Variants in KDM2B observed in about 807,000 individuals in gnomAD.
KDM2B encodes the protein lysine demethylase 2B.
In KDM2B, 26 loss-of-function variants were observed where a neutral mutation model predicts 150.0. The observed-to-expected ratio is 0.17, with a 90% CI of 0.13 to 0.24. The LOEUF (loss-of-function observed/expected upper bound fraction) is 0.24, where lower values mean the gene tolerates loss of function less well. KDM2B is among the 10% of genes least tolerant of loss of function. The pLI, the probability that KDM2B is intolerant of heterozygous loss-of-function variation, is 1.00. For synonymous variants in KDM2B, 734 were observed against 729.5 expected (o/e 1.01, Z -0.10); for missense variants, 1,265 against 1,816.9 (o/e 0.70, Z 5.52).
At chr12:121,579,509 C>CCCCCCTG in intron 1 of KDM2B, 1 of 1,077,346 alleles carries the variant, frequency 9.3e-7, no homozygotes, top group Non-Finnish European at 1.3e-6. Flanking sequence ...GCCGCCCGCC[C>CCCCCCTG]GCCAGTGCAA....
the KDM2B span, among the ~76,000 whole-genome samples, chr12:121,412,914 A>G: frequency 1.4e-3 from 211 of 150,024 alleles, no homozygotes; most frequent in African/African-American, 4.9e-3. Context: ...ACGGGGTTTC[A>G]CCATGTTGGC....
rs148648134 is a variant in KDM2B, at chr12:121,524,032, G to A, written c.932-2932C>T. Among the ~76,000 whole-genome samples, 109 of 152,276 alleles carry A rather than the reference G, an allele frequency of 7.2e-4. 1 individual carries two copies. The highest frequency in any genetic ancestry group is 6.8e-3 in the Middle Eastern group (2 of 294). ...ACCAAGTGGAACCATGCTATTGAAT[G>A]CTGTTATTGTCGCCATCCCCGTTAT... On this transcript the variant is annotated intron_variant, in intron 8 of 22. Transcript: ENST00000377071.
At chr12:121,432,660 GGCTAGACATTTTCA>G (rs1873258119) in intron 22 of KDM2B, among the ~76,000 whole-genome samples, 2 of 152,272 alleles carry the variant, frequency 1.3e-5, no homozygotes, top group East Asian at 3.9e-4. Flanking sequence ...CTTAGATTCA[GGCTAGACATTTTCA>G]GCAAGAAATC....
chr12:121,539,326 CAAAAAAAAAAAAAAAAAAAAAA>C (rs60048517), intron 6 of KDM2B, among the ~76,000 whole-genome samples: 16 of 58,616 alleles, frequency 2.7e-4, no homozygotes, highest in African/African-American at 1.1e-3. Context: ...GACCCTCTCC[CAAAAAAAAAAAAAAAAAAAAAA>C]AAAAAAAGAA....
chr12:121,477,860 G>C (rs557933801), intron 12 of KDM2B, among the ~76,000 whole-genome samples: 1 of 151,934 alleles, frequency 6.6e-6, no homozygotes, highest in Non-Finnish European at 1.5e-5. Context: ...TTACAGGTGT[G>C]AGCCATCGTG....
chr12:121,420,608 C>T, the KDM2B span: 1 of 1,614,154 alleles, frequency 6.2e-7, no homozygotes, highest in Non-Finnish European at 8.5e-7. Context: ...AGAGTGAGAG[C>T]TTCACTGTCT....
chr12:121,478,866 T>TTGTTTGTGTGTG lies in KDM2B; in HGVS notation c.1734+15712_1734+15713insCACACACAAACA, dbSNP rs61509046. 3.4e-3 allele frequency among the ~76,000 whole-genome samples: 451 copies of TTGTTTGTGTGTG among 131,206 alleles called. 1 individual carries two copies. The highest frequency in any genetic ancestry group is 8.6e-3 in the African/African-American group (298 of 34,796). 86.1% of individuals were successfully genotyped at this position (131,206 alleles called of 152,430 possible). A position where few individuals can be genotyped will look rare whatever the true frequency, so the allele number is the denominator to read the frequency against. The stretch of plus-strand genomic sequence containing the variant: ...CCACAACCGGCTAATTTTTGTTTGT[T>TTGTTTGTGTGTG]TGTGTGTGTGTGTGTGTGTGTGTGT... On this transcript the variant is annotated intron_variant, in intron 12 of 22. Transcript: ENST00000377071.
At chr12:121,563,489 C>A (rs1890485555) in intron 4 of KDM2B, among the ~76,000 whole-genome samples, 1 of 151,822 alleles carries the variant, frequency 6.6e-6, no homozygotes, top group African/African-American at 2.4e-5. Context: ...TGCCCGTAAT[C>A]CTGGCTACTC....
chr12:121,510,084 CCCTG>C, intron 10 of KDM2B, 45 bp from the exon 11 acceptor site: 2 of 1,481,796 alleles, frequency 1.3e-6, no homozygotes, highest in Non-Finnish European at 1.8e-6. Context: ...ACACCTAACT[CCCTG>C]CCAAGGTCTT....
At chr12:121,497,963 G>A (rs1279804303) in intron 11 of KDM2B, among the ~76,000 whole-genome samples, 4 of 152,042 alleles carry the variant, frequency 2.6e-5, no homozygotes, top group African/African-American at 9.7e-5. Context: ...AGATGTGGTG[G>A]TGTGTGCCTG....
the KDM2B span, chr12:121,417,827 T>C: frequency 1.2e-6 from 2 of 1,614,192 alleles, no homozygotes; most frequent in Non-Finnish European, 1.7e-6. This position sits in a 1 kb window ranked among gnomAD's most constrained non-coding sequence, Gnocchi z 5.0. Flanking sequence ...TTTCAAACTA[T>C]ACAGCCCCCT....
At chr12:121,450,334 AAAAAG>A (rs1877015165) in intron 13 of KDM2B, among the ~76,000 whole-genome samples, 1 of 152,016 alleles carries the variant, frequency 6.6e-6, no homozygotes, top group Admixed American at 6.6e-5. Context: ...AAGAAAGAAA[AAAAAG>A]AAAAGAAAAA....
At chr12:121,510,841 A>G (rs1885524792) in intron 10 of KDM2B, among the ~76,000 whole-genome samples, 2 of 151,550 alleles carry the variant, frequency 1.3e-5, no homozygotes, top group Non-Finnish European at 2.9e-5. Context: ...TAAAATAAAA[A>G]TAAGTCTAAG....
chr12:121,450,595 C>T (rs377467881), intron 13 of KDM2B, among the ~76,000 whole-genome samples: 6 of 151,948 alleles, frequency 3.9e-5, no homozygotes, highest in African/African-American at 1.4e-4. Flanking sequence ...TGCGGTGGCT[C>T]ACGCCTGTAA....
Position 121,453,398 on chromosome 12 carries a change from A to AC in KDM2B, c.1735-55dup. 2.1e-6 allele frequency: 3 copies of AC among 1,419,586 alleles called. No individual in the cohort carries two copies. Among genetic ancestry groups the AC allele is most frequent in the South Asian group, 2.7e-5 (2 of 74,374 alleles). The allele number at this position is 1,419,586 out of a possible 1,614,324, so 87.9% of individuals were successfully genotyped here. On this transcript the variant is annotated intron_variant, in intron 12 of 22. Transcript: ENST00000377071. This position sits in a 1 kb window ranked among gnomAD's most constrained non-coding sequence, Gnocchi z 6.4. Reference sequence around the variant, plus strand: ...ATGGGGAGACTGCAGGCACGGCCAGACCCCCGGAAAGGGTGTTAGGGAGCA... The same window carrying AC: ...ATGGGGAGACTGCAGGCACGGCCAGACCCCCCGGAAAGGGTGTTAGGGAGCA...
the KDM2B span, among the ~76,000 whole-genome samples, chr12:121,409,255 T>G: frequency 6.6e-6 from 1 of 152,152 alleles, no homozygotes; most frequent in Admixed American, 6.6e-5. Flanking sequence ...GCTGGGATTA[T>G]AGGCATGGAC....
At chr12:121,439,380 CTTT>C (rs530764831) in intron 22 of KDM2B, among the ~76,000 whole-genome samples, 21 of 129,542 alleles carry the variant, frequency 1.6e-4, no homozygotes, top group African/African-American at 2.2e-4. Flanking sequence ...CCAATGGTAA[CTTT>C]TTTTTTTTTT....
rs538082814 is a variant in KDM2B, at chr12:121,484,437, T to A, written c.1734+10142A>T. 4.0e-5 allele frequency among the ~76,000 whole-genome samples: 6 copies of A among 151,772 alleles called. 1 individual carries two copies. The highest frequency in any genetic ancestry group is 2.0e-4 in the Admixed American group (3 of 15,230). On this transcript the variant is annotated intron_variant, in intron 12 of 22. Coordinates refer to ENST00000377071, the MANE Select transcript of KDM2B (RefSeq NM_032590.5). ...TGGTTCCCCAGCAATGAAAGGAAGA[T>A]GAGAGGAAGTCAGGAGAGTCTACGG... is the stretch of plus-strand genomic sequence containing the variant.
At chr12:121,522,305 C>G (rs1443397565) in intron 8 of KDM2B, among the ~76,000 whole-genome samples, 1 of 151,570 alleles carries the variant, frequency 6.6e-6, no homozygotes, top group Admixed American at 6.6e-5. Context: ...CACCTGAGGT[C>G]GGGAGTTCGA....
Sources: allele counts gnomAD v4.1 joint callset (sites outside exome capture counted in the v4.1 genomes callset), GRCh38; gene constraint gnomAD v4.1.1; non-coding constraint Gnocchi (gnomAD v3.1); transcripts MANE v1.5; gene names NCBI Gene and HGNC (gene_info 2026-07-23, HGNC 2026-07-21).